PRPH2: variants seen among roughly 807,000 people sequenced by gnomAD.
PRPH2 encodes peripherin-2.
A neutral mutation model predicts 31.3 loss-of-function variants in PRPH2; 17 were observed. The observed-to-expected ratio is 0.54, with a 90% CI of 0.37 to 0.81. PRPH2 has a LOEUF of 0.81. Among genes scored for constraint, PRPH2 ranks in the 40% least tolerant of loss-of-function variants. The pLI, the probability that PRPH2 is intolerant of heterozygous loss-of-function variation, is 0.00. For synonymous variants in PRPH2, 165 were observed against 184.4 expected, an observed-to-expected ratio of 0.89 and a Z score of 0.85; for missense variants, 430 against 439.7, an observed-to-expected ratio of 0.98 and a Z score of 0.20.
chr6:42,710,646 G>C (rs1800261371), intron 1 of PRPH2, among the ~76,000 whole-genome samples: 1 of 152,174 alleles, frequency 6.6e-6, no homozygotes, highest in Admixed American at 6.5e-5. Flanking sequence ...CGGGGGCGGT[G>C]GAGGAGGAGT....
chr6:42,703,175 C>T (rs1036098740), intron 2 of PRPH2, among the ~76,000 whole-genome samples: 9 of 152,110 alleles, frequency 5.9e-5, no homozygotes, highest in Admixed American at 5.2e-4. Context: ...GCCTGGGTGA[C>T]AGGTGAATTT....
chr6:42,704,676 C>T (rs1800120476), intron 1 of PRPH2, 65 bp from the exon 2 acceptor site: 1 of 1,609,632 alleles, frequency 6.2e-7, no homozygotes, highest in Non-Finnish European at 8.5e-7. Flanking sequence ...CACTTCCTCC[C>T]AACCCCTGCC....
At chr6:42,704,636 G>T (rs769107846) in intron 1 of PRPH2, 25 bp from the exon 2 acceptor site, 2 of 1,614,186 alleles carry the variant, frequency 1.2e-6, no homozygotes, top group Non-Finnish European at 1.7e-6. Flanking sequence ...GACAGCTGGA[G>T]ATGGGCTTCC....
chr6:42,699,036 G>A (rs996680217), intron 2 of PRPH2, among the ~76,000 whole-genome samples: 7 of 141,964 alleles, frequency 4.9e-5, no homozygotes, highest in Non-Finnish European at 1.1e-4. Context: ...TGCATCTGAT[G>A]TGTGGTACTT....
Position 42,701,682 on chromosome 6 carries a change from A to ATTTTTT in PRPH2, c.828+2677_828+2682dup, listed in dbSNP as rs70990127. Reference sequence around the variant, plus strand: ...TAGGCATGCGCCACCACGTCCAGCAATTTTTTTTTTTTTTTTTTTTTTTTT... The same window carrying ATTTTTT: ...TAGGCATGCGCCACCACGTCCAGCAATTTTTTTTTTTTTTTTTTTTTTTTTTTTTTT... On this transcript the variant is annotated intron_variant, in intron 2 of 2. Coordinates refer to ENST00000230381, the MANE Select transcript of PRPH2 (RefSeq NM_000322.5). 9.4e-3 allele frequency among the ~76,000 whole-genome samples: 740 copies of ATTTTTT among 78,478 alleles called. 94 individuals are homozygous for ATTTTTT. The highest frequency in any genetic ancestry group is 0.021 in the East Asian group (42 of 2,024). The allele number at this position is 78,478 out of a possible 152,430, so 51.5% of individuals were successfully genotyped here.
intron 2 of PRPH2, among the ~76,000 whole-genome samples, chr6:42,702,296 G>T (rs1800060877): frequency 6.6e-6 from 1 of 151,758 alleles, no homozygotes; most frequent in African/African-American, 2.4e-5. Flanking sequence ...AGTTTCATGT[G>T]GTGAGTTAGA....
intron 1 of PRPH2, chr6:42,711,837 A>G: frequency 1.0e-6 from 1 of 985,438 alleles, no homozygotes; most frequent in South Asian, 4.7e-5. Context: ...TGGGGACCCC[A>G]GGCTGGGCCT....
intron 1 of PRPH2, among the ~76,000 whole-genome samples, chr6:42,705,674 C>T (rs1351939207): frequency 7.3e-6 from 1 of 137,828 alleles, no homozygotes; most frequent in Middle Eastern, 4.1e-3. Flanking sequence ...TAAAAAGTTG[C>T]AGCCAGGCGC....
chr6:42,717,343 CA>C lies in PRPH2; in HGVS notation c.581+4410del, dbSNP rs200131784. ...GCTGAGACAGGAGAATCAATTGAAC[CA>C]GGGGGGCGAGGATGCAGTGAGCTGA... On this transcript the variant is annotated intron_variant, in intron 1 of 2. Coordinates refer to ENST00000230381, the MANE Select transcript of PRPH2 (RefSeq NM_000322.5). 7.3e-3 allele frequency among the ~76,000 whole-genome samples: 1,106 copies of C among 151,844 alleles called. 11 individuals carry two copies. The highest frequency in any genetic ancestry group is 0.025 in the African/African-American group (1,029 of 41,424).
intron 2 of PRPH2, among the ~76,000 whole-genome samples, chr6:42,703,172 T>C (rs413399): frequency 0.77 from 116,666 of 152,040 alleles, 44,869 homozygotes; most frequent in East Asian, 0.87. Context: ...CCAGCCTGGG[T>C]GACAGGTGAA....
chr6:42,708,942 A>C (rs1238054095), intron 1 of PRPH2, among the ~76,000 whole-genome samples: 2 of 152,120 alleles, frequency 1.3e-5, no homozygotes, highest in Non-Finnish European at 2.9e-5. Flanking sequence ...TTCCGCTTAG[A>C]GCCATTGGAT....
At chr6:42,709,236 A>G (rs1199668055) in intron 1 of PRPH2, among the ~76,000 whole-genome samples, 5 of 151,578 alleles carry the variant, frequency 3.3e-5, no homozygotes, top group Non-Finnish European at 5.9e-5. Flanking sequence ...AGGCTGAGGC[A>G]GAAGAATCAC....
At chr6:42,708,452 C>T (rs2152006504) in intron 1 of PRPH2, among the ~76,000 whole-genome samples, 1 of 152,340 alleles carries the variant, frequency 6.6e-6, no homozygotes, top group South Asian at 2.1e-4. Flanking sequence ...GGTGGGAAGA[C>T]AAGCTGGAGC....
chr6:42,721,668 T>C, intron 1 of PRPH2, 86 bp downstream of exon 1: 1 of 1,487,886 alleles, frequency 6.7e-7, no homozygotes, highest in Non-Finnish European at 9.3e-7. Context: ...AGGCACTGGG[T>C]GCGGGGAGAG....
chr6:42,719,479 G>A (rs1210591912), intron 1 of PRPH2, among the ~76,000 whole-genome samples: 1 of 151,376 alleles, frequency 6.6e-6, no homozygotes, highest in African/African-American at 2.4e-5. Flanking sequence ...TGGCTTCAGT[G>A]GACTTCTTAT....
Position 42,721,992 on chromosome 6 carries a change from C to T in PRPH2, c.343G>A (p.Val115Met). Residue 115 changes from valine to methionine, a missense_variant, in exon 1 of 3, where the codon GTG (valine) becomes ATG (methionine). By Grantham distance (21) the Val-to-Met change is conservative. Coordinates refer to ENST00000230381, the MANE Select transcript of PRPH2 (RefSeq NM_000322.5). ...CGAAGCAGAAAGCAGCAGAGAGCCA[C>T]AAGGAAGAGGATGATGTTGAAGAGA... Reference protein sequence around the residue: ...CVLFNIILFLVALCCFLLRGS... With the variant: ...CVLFNIILFLMALCCFLLRGS... 6.2e-7 allele frequency: 1 copy of T among 1,614,096 alleles called. No homozygotes were observed.
chr6:42,700,649 C>T (rs182190638), intron 2 of PRPH2, among the ~76,000 whole-genome samples: 1 of 152,342 alleles, frequency 6.6e-6, no homozygotes, highest in East Asian at 1.9e-4. Context: ...AACGCGTCCA[C>T]TCTGATCCCC....
At chr6:42,705,626 A>ATATATATATATG (rs1800148956) in intron 1 of PRPH2, among the ~76,000 whole-genome samples, 1 of 127,782 alleles carries the variant, frequency 7.8e-6, no homozygotes, top group Admixed American at 8.1e-5. Context: ...ATATATATAT[A>ATATATATATATG]TATATTTGTG....
Position 42,698,286 on chromosome 6 carries a change from C to T in PRPH2, c.*9G>A, listed in dbSNP as rs1799983038. ...CTCAGTGTTCGGGAGGGGAGGGGCC[C>T]CAGGGCCCTCAGCCAGCCTCTGGGG... is the stretch of plus-strand genomic sequence containing the variant. On this transcript the variant is annotated 3_prime_UTR_variant, in exon 3 of 3. Transcript: ENST00000230381. 3 of 1,613,574 alleles carry T rather than the reference C, an allele frequency of 1.9e-6. No individual in the cohort carries two copies. Among genetic ancestry groups the T allele is most frequent in the Non-Finnish European group, 2.5e-6 (3 of 1,179,876 alleles).
Sources: allele counts gnomAD v4.1 joint callset (sites outside exome capture counted in the v4.1 genomes callset), GRCh38; gene constraint gnomAD v4.1.1; transcripts MANE v1.5; gene names NCBI Gene and HGNC (gene_info 2026-07-23, HGNC 2026-07-21).